The following ARPP21 variants were observed in gnomAD, a reference collection of about 807,000 sequenced individuals.
ARPP21 encodes the protein cAMP-regulated phosphoprotein 21.
A neutral mutation model predicts 113.2 loss-of-function variants in ARPP21; 69 were observed. The observed-to-expected ratio is 0.61, with a 90% CI of 0.50 to 0.74. ARPP21 has a LOEUF of 0.74. Ranked by LOEUF, ARPP21 falls within the 30% of genes least tolerant of loss-of-function variation. ARPP21 has a pLI of 0.00. For missense variants in ARPP21, 1,070 were observed against 1,037.4 expected (o/e 1.03, Z -0.43); for synonymous variants, 368 against 375.5 (o/e 0.98, Z 0.23).
intron 7 of ARPP21, among the ~76,000 whole-genome samples, chr3:35,689,862 C>T (rs1429627460): frequency 6.6e-6 from 1 of 151,388 alleles, no homozygotes. Flanking sequence ...TTTCAATATA[C>T]TTAACAAATA....
intron 15 of ARPP21, among the ~76,000 whole-genome samples, chr3:35,730,076 G>A (rs1344076289): frequency 1.3e-5 from 2 of 151,792 alleles, no homozygotes; most frequent in Non-Finnish European, 3.0e-5. Flanking sequence ...AGAGAATACA[G>A]AGAGAAAATT....
At chr3:35,774,317 A>C (rs971001800) in intron 19 of ARPP21, among the ~76,000 whole-genome samples, 12 of 152,162 alleles carry the variant, frequency 7.9e-5, no homozygotes, top group African/African-American at 2.9e-4. Context: ...GTGAGACAAA[A>C]TTTATACTTT....
At chr3:35,793,661 A>G (rs370825791) in intron 20 of ARPP21, 40 bp from the exon 21 acceptor site, 12 of 1,500,548 alleles carry the variant, frequency 8.0e-6, no homozygotes, top group African/African-American at 4.1e-5. Flanking sequence ...AGACCAAAAT[A>G]GTCTCTTCAT....
chr3:35,682,150 A>C (rs2079098143), intron 3 of ARPP21, among the ~76,000 whole-genome samples: 1 of 151,836 alleles, frequency 6.6e-6, no homozygotes, highest in Non-Finnish European at 1.5e-5. Flanking sequence ...AGAACACCTC[A>C]AGGTGTACAT....
At chr3:35,663,295 G>A (rs757203280) in intron 1 of ARPP21, among the ~76,000 whole-genome samples, 7 of 152,080 alleles carry the variant, frequency 4.6e-5, no homozygotes, top group Non-Finnish European at 8.8e-5. Context: ...TGATCTATAC[G>A]GTTTTTAAAC....
chr3:35,674,165 A>G (rs981654555), intron 1 of ARPP21, among the ~76,000 whole-genome samples: 6 of 151,994 alleles, frequency 3.9e-5, no homozygotes, highest in African/African-American at 1.4e-4. Flanking sequence ...ATGCCCAAAC[A>G]AGAGTATCAT....
intron 1 of ARPP21, among the ~76,000 whole-genome samples, chr3:35,667,907 G>T (rs1248785807): frequency 4.5e-5 from 3 of 66,878 alleles, no homozygotes; most frequent in African/African-American, 2.8e-4. Flanking sequence ...GGAAGAGGAA[G>T]AGGAAGGAGG....
intron 13 of ARPP21, 137 bp from the exon 14 acceptor site, chr3:35,721,468 A>G: frequency 1.6e-6 from 1 of 616,310 alleles, no homozygotes; most frequent in Non-Finnish European, 2.9e-6. Flanking sequence ...CTGGGAGGCA[A>G]CTGGTTTAAT....
intron 15 of ARPP21, among the ~76,000 whole-genome samples, chr3:35,733,844 G>C (rs1031375528): frequency 6.6e-6 from 1 of 152,068 alleles, no homozygotes. Flanking sequence ...CGAATCCTTA[G>C]TGCTTTTTCT....
At chr3:35,706,277 C>T (rs1383160407) in intron 9 of ARPP21, among the ~76,000 whole-genome samples, 1 of 152,102 alleles carries the variant, frequency 6.6e-6, no homozygotes, top group Non-Finnish European at 1.5e-5. Context: ...TTTAATAATA[C>T]CAAATGATTA....
rs144450183 is a variant in ARPP21, at chr3:35,654,315, T to C, written c.-213+13917T>C. On this transcript the variant is annotated intron_variant, in intron 1 of 20. Transcript: ENST00000684406. Reference sequence around the variant, plus strand: ...GTTTTAAGTTACTCTTTTGTGATTGTTTACAGTTAAGGCATATTACCTTGC... The same window carrying C: ...GTTTTAAGTTACTCTTTTGTGATTGCTTACAGTTAAGGCATATTACCTTGC... 2.9e-3 allele frequency among the ~76,000 whole-genome samples: 441 copies of C among 152,176 alleles called. 2 individuals carry two copies. The highest frequency in any genetic ancestry group is 9.7e-3 in the African/African-American group (404 of 41,546).
upstream of ARPP21, among the ~76,000 whole-genome samples, chr3:35,639,349 G>T (rs1697445072): frequency 2.6e-5 from 4 of 152,096 alleles, no homozygotes; most frequent in South Asian, 8.3e-4. This position sits in a 1 kb window ranked among gnomAD's most constrained non-coding sequence, Gnocchi z 5.0. Context: ...CCTCCCGGGT[G>T]TGGCGGGTCT....
intron 19 of ARPP21, among the ~76,000 whole-genome samples, chr3:35,748,940 T>G (rs1249278305): frequency 6.6e-6 from 1 of 152,214 alleles, no homozygotes; most frequent in African/African-American, 2.4e-5. Context: ...TAAATTATCC[T>G]GGGTCTCAAG....
At chr3:35,719,105 C>A (rs2092784023) in intron 13 of ARPP21, among the ~76,000 whole-genome samples, 3 of 151,972 alleles carry the variant, frequency 2.0e-5, no homozygotes, top group South Asian at 2.1e-4. Context: ...AGGGGAGGAA[C>A]AAGACTGGGC....
At chr3:35,654,115 T>C (rs1703706503) in intron 1 of ARPP21, among the ~76,000 whole-genome samples, 1 of 151,938 alleles carries the variant, frequency 6.6e-6, no homozygotes, top group Non-Finnish European at 1.5e-5. Flanking sequence ...AACAAACAGA[T>C]GCCTAGGAAT....
intron 1 of ARPP21, among the ~76,000 whole-genome samples, chr3:35,675,395 T>A (rs2077231524): frequency 6.6e-6 from 1 of 151,868 alleles, no homozygotes; most frequent in Non-Finnish European, 1.5e-5. Context: ...AGCAGAGCCT[T>A]TGGCTTCTTT....
At chr3:35,642,536 T>C (rs1189481706) in intron 1 of ARPP21, 1 of 152,190 alleles carries the variant, frequency 6.6e-6, no homozygotes, top group Non-Finnish European at 1.5e-5. Flanking sequence ...ACCTCTTCAC[T>C]AGTTCTTAGA....
intron 1 of ARPP21, among the ~76,000 whole-genome samples, chr3:35,655,124 T>A (rs963276649): frequency 3.9e-5 from 6 of 151,972 alleles, no homozygotes; most frequent in Admixed American, 3.3e-4. Flanking sequence ...ATTAGCTAGG[T>A]TTACTCCGGT....
chr3:35,647,854 T>G (rs1575399812), intron 1 of ARPP21, among the ~76,000 whole-genome samples: 1 of 152,176 alleles, frequency 6.6e-6, no homozygotes, highest in Non-Finnish European at 1.5e-5. Flanking sequence ...TTGCTTCAAC[T>G]TTCTCATTTA....
Sources: allele counts gnomAD v4.1 joint callset (sites outside exome capture counted in the v4.1 genomes callset), GRCh38; gene constraint gnomAD v4.1.1; non-coding constraint Gnocchi (gnomAD v3.1); transcripts MANE v1.5; gene names NCBI Gene and HGNC (gene_info 2026-07-23, HGNC 2026-07-21).